AOPEP: variants seen among roughly 807,000 people sequenced by gnomAD.
The protein encoded by AOPEP is aminopeptidase O (putative), also known as aminopeptidase O.
AOPEP carries 77 observed loss-of-function variants against 98.1 expected under a neutral mutation model. The ratio of observed to expected loss-of-function variants is 0.78; its 90% CI spans 0.65 to 0.95. AOPEP has a LOEUF of 0.95. Ranked by LOEUF, AOPEP falls within the 40% of genes least tolerant of loss-of-function variation. AOPEP has a pLI of 0.00. For synonymous variants in AOPEP, 346 were observed against 365.3 expected, an observed-to-expected ratio of 0.95 and a Z score of 0.60; for missense variants, 1,024 against 1,024.7, an observed-to-expected ratio of 1.00 and a Z score of 0.01.
intron 11 of AOPEP, among the ~76,000 whole-genome samples, chr9:95,003,192 A>G (rs182982914): frequency 6.6e-6 from 1 of 152,224 alleles, no homozygotes; most frequent in Admixed American, 6.5e-5. Context: ...GTGTGACTGC[A>G]ACCAGTTAAA....
chr9:95,126,657 G>T, the AOPEP span: 1 of 1,448,104 alleles, frequency 6.9e-7, no homozygotes, highest in East Asian at 2.3e-5. Context: ...TCAGCCAAAG[G>T]AGTTACTGGG....
intron 2 of AOPEP, among the ~76,000 whole-genome samples, chr9:94,764,729 G>A (rs535301891): frequency 6.6e-6 from 1 of 152,214 alleles, no homozygotes; most frequent in South Asian, 2.1e-4. Flanking sequence ...ACTAAAGAAA[G>A]CTGAATGAAG....
chr9:95,015,761 G>A (rs2062926972), intron 13 of AOPEP, among the ~76,000 whole-genome samples: 1 of 152,174 alleles, frequency 6.6e-6, no homozygotes, highest in African/African-American at 2.4e-5. Flanking sequence ...ACAAATACCT[G>A]TGCAGTTTCA....
chr9:94,848,198 A>G (rs993658584), intron 5 of AOPEP, among the ~76,000 whole-genome samples: 2 of 152,140 alleles, frequency 1.3e-5, no homozygotes, highest in South Asian at 4.1e-4. Flanking sequence ...CCTGTAATCC[A>G]TCCCAGCACT....
intron 4 of AOPEP, among the ~76,000 whole-genome samples, chr9:94,797,530 C>T (rs1588264808): frequency 2.0e-5 from 3 of 151,778 alleles, no homozygotes; most frequent in South Asian, 2.1e-4. Flanking sequence ...ATCATAGTGC[C>T]AGAAGAAACC....
chr9:94,747,364 C>T (rs1393815072), intron 1 of AOPEP, among the ~76,000 whole-genome samples: 5 of 152,058 alleles, frequency 3.3e-5, no homozygotes, highest in African/African-American at 9.7e-5. Context: ...CATTGCCCCA[C>T]GGGTATGAGT....
At chr9:94,820,793 C>A (rs3858087) in intron 5 of AOPEP, among the ~76,000 whole-genome samples, 117,720 of 152,140 alleles carry the variant, frequency 0.77, 47,291 homozygotes, top group Non-Finnish European at 0.89. Flanking sequence ...AGAATATCAG[C>A]ACTTTTGCGT....
chr9:94,941,212 C>A (rs2056975756), intron 7 of AOPEP, among the ~76,000 whole-genome samples: 1 of 152,202 alleles, frequency 6.6e-6, no homozygotes, highest in Admixed American at 6.5e-5. Context: ...GCTCCTCTGG[C>A]CTCTGTTCAA....
chr9:95,029,705 G>A (rs921789786), intron 13 of AOPEP, among the ~76,000 whole-genome samples: 1 of 152,214 alleles, frequency 6.6e-6, no homozygotes, highest in African/African-American at 2.4e-5. Flanking sequence ...CAGCTTATCA[G>A]GGGCATGGTG....
intron 3 of AOPEP, among the ~76,000 whole-genome samples, chr9:94,781,213 A>T (rs996501090): frequency 6.6e-6 from 1 of 151,970 alleles, no homozygotes; most frequent in Non-Finnish European, 1.5e-5. Flanking sequence ...GCAGACAGAG[A>T]TGTTATCCTG....
intron 3 of AOPEP, among the ~76,000 whole-genome samples, chr9:94,790,066 G>T (rs1055991675): frequency 3.3e-5 from 5 of 151,226 alleles, no homozygotes; most frequent in African/African-American, 7.3e-5. Flanking sequence ...TAGTAGAGAC[G>T]GGGTTTCACC....
At chr9:95,090,623 G>A (rs372875663), downstream of AOPEP, among the ~76,000 whole-genome samples, 1 of 152,152 alleles carries the variant, frequency 6.6e-6, no homozygotes, top group Non-Finnish European at 1.5e-5. Flanking sequence ...CCCTGGGGCC[G>A]GCCTAGAAAG....
chr9:95,133,283 T>C, the AOPEP span, among the ~76,000 whole-genome samples: 15 of 152,248 alleles, frequency 9.9e-5, no homozygotes, highest in Non-Finnish European at 1.8e-4. Flanking sequence ...ATCGTCTGTA[T>C]TGTAATTACG....
At chr9:94,837,985 A>T (rs141852137) in intron 5 of AOPEP, among the ~76,000 whole-genome samples, 1 of 152,188 alleles carries the variant, frequency 6.6e-6, no homozygotes, top group African/African-American at 2.4e-5. Context: ...CTGTTTGCTG[A>T]TGACATGATT....
intron 1 of AOPEP, among the ~76,000 whole-genome samples, chr9:94,747,102 T>C (rs1834679834): frequency 6.6e-6 from 1 of 151,606 alleles, no homozygotes; most frequent in South Asian, 2.1e-4. Flanking sequence ...TGATCACAAA[T>C]TATATGCAGT....
intron 3 of AOPEP, among the ~76,000 whole-genome samples, chr9:94,789,571 C>T (rs1433721230): frequency 6.6e-6 from 1 of 152,072 alleles, no homozygotes; most frequent in Non-Finnish European, 1.5e-5. Context: ...ATTATGTTTC[C>T]AGTAGAAAAT....
chr9:94,745,176 C>A (rs1021497223), intron 1 of AOPEP, among the ~76,000 whole-genome samples: 2 of 152,150 alleles, frequency 1.3e-5, no homozygotes, highest in African/African-American at 4.8e-5. Context: ...TCAACATTGT[C>A]TGTAACTGTA....
chr9:95,110,723 AACT>A, the AOPEP span: 1 of 750,208 alleles, frequency 1.3e-6, no homozygotes, highest in Non-Finnish European at 1.6e-6. Flanking sequence ...TGTCCTCTTT[AACT>A]ACTAAGATCA....
chr9:94,957,586 C>G (rs903182832), intron 9 of AOPEP, among the ~76,000 whole-genome samples: 2 of 152,162 alleles, frequency 1.3e-5, no homozygotes, highest in African/African-American at 4.8e-5. Flanking sequence ...ATAAAGTTAA[C>G]CCTTTGAAAG....
Sources: gnomAD v4.1 joint callset for allele counts (sites outside exome capture counted in the v4.1 genomes callset) on GRCh38, gnomAD v4.1.1 for gene constraint, MANE v1.5 for transcripts, NCBI Gene and HGNC (gene_info 2026-07-23, HGNC 2026-07-21) for gene names.